The following HIP1R variants were observed in gnomAD, a reference collection of about 807,000 sequenced individuals.
HIP1R encodes huntingtin interacting protein 1 related.
HIP1R carries 135 observed loss-of-function variants against 144.2 expected under a neutral mutation model. The observed-to-expected ratio is 0.94, with a 90% CI of 0.81 to 1.08. The LOEUF (loss-of-function observed/expected upper bound fraction) is 1.08. Among genes scored for constraint, HIP1R ranks in the 50% least tolerant of loss-of-function variants. The probability of loss-of-function intolerance (pLI) is 0.00; values close to 1 mark genes in which losing one functional copy is unlikely to be tolerated. For synonymous variants in HIP1R, 698 were observed against 612.8 expected (o/e 1.14, Z -2.05); for missense variants, 1,462 against 1,432.8 (o/e 1.02, Z -0.33).
chr12:122,856,683 G>T lies in HIP1R; in HGVS notation c.1577G>T (p.Gly526Val). ...AAGAGGGAGCTGGAGGCCAAGGCCG[G>T]AGAGCTGGCCCGCGCGCAGGAGGCC... ...KLKRELEAKA[G>V]ELARAQEALS... Residue 526 changes from glycine (G) to valine (V), a missense_variant, in exon 17 of 32, where the codon GGA (glycine) becomes GTA (valine). Coordinates refer to ENST00000253083, the MANE Select transcript of HIP1R (RefSeq NM_003959.3). The T allele has an allele frequency of 6.3e-7, 1 of 1,599,544 alleles. No homozygotes were observed. The highest frequency in any genetic ancestry group is 8.5e-7 in the Non-Finnish European group (1 of 1,173,604).
chr12:122,859,385 G>T (rs746060445), intron 22 of HIP1R, 41 bp from the exon 23 acceptor site: 5 of 1,565,960 alleles, frequency 3.2e-6, no homozygotes, highest in African/African-American at 1.4e-5. Flanking sequence ...TGGGACGGGG[G>T]GGGACGGAGG....
chr12:122,860,896 C>G lies in HIP1R; in HGVS notation c.2767-20C>G, dbSNP rs758040994. ...CCTGAGCTGGGAGACCTGGGCCCACCCTGACCTCTCGCCCCTCAGGTGAAG... is the reference window on the plus strand; with the variant it reads ...CCTGAGCTGGGAGACCTGGGCCCACGCTGACCTCTCGCCCCTCAGGTGAAG... On this transcript the variant is annotated intron_variant, in intron 28 of 31. Coordinates refer to ENST00000253083, the MANE Select transcript of HIP1R (RefSeq NM_003959.3). 1 of 1,604,832 alleles carries G rather than the reference C, an allele frequency of 6.2e-7. No homozygotes were observed. The highest frequency in any genetic ancestry group is 1.3e-5 in the African/African-American group (1 of 74,728).
At chr12:122,835,150 G>T, upstream of HIP1R, 1 of 573,722 alleles carries the variant, frequency 1.7e-6, no homozygotes, top group Non-Finnish European at 2.7e-6. Context: ...AGGAGCTGGG[G>T]GGGCGTTTGG....
intron 1 of HIP1R, among the ~76,000 whole-genome samples, chr12:122,844,738 G>T (rs1403580169): frequency 6.6e-6 from 1 of 152,188 alleles, no homozygotes; most frequent in Admixed American, 6.5e-5. Flanking sequence ...CTAGCACTGG[G>T]TTTTTCCACC....
chr12:122,846,807 C>T (rs1593866708), intron 1 of HIP1R, among the ~76,000 whole-genome samples: 1 of 152,214 alleles, frequency 6.6e-6, no homozygotes, highest in African/African-American at 2.4e-5. Context: ...TAGCTCCCAT[C>T]TGAGGTCCCA....
intron 1 of HIP1R, among the ~76,000 whole-genome samples, chr12:122,843,260 T>G (rs1395554062): frequency 1.3e-5 from 2 of 152,202 alleles, no homozygotes; most frequent in Non-Finnish European, 2.9e-5. Context: ...AGGGGCTCCA[T>G]CTCCATCTCT....
At chr12:122,856,994 A>C (rs2033602661) in intron 17 of HIP1R, 27 bp from the exon 18 acceptor site, 1 of 1,545,908 alleles carries the variant, frequency 6.5e-7, no homozygotes, top group African/African-American at 1.4e-5. Context: ...CTCTGTTCAC[A>C]TGCCTGGTGT....
intron 5 of HIP1R, 110 bp from the exon 6 acceptor site, chr12:122,850,724 TG>T (rs1346857554): frequency 3.6e-6 from 1 of 278,090 alleles, no homozygotes; most frequent in Non-Finnish European, 6.0e-6. Flanking sequence ...CCGCTGGGTG[TG>T]GGGGGCCCTG....
At position 122,850,146 on chromosome 12, in the gene HIP1R, C is replaced by T. The variant is rs1376137782; in HGVS notation, c.438+191C>T. 4.3e-6 allele frequency: 3 copies of T among 693,158 alleles called. No homozygotes were observed. The African/African-American group carries it at 5.3e-5, about 12-fold the overall frequency. The allele number at this position is 693,158 out of a possible 1,614,324, so 42.9% of individuals were successfully genotyped here. A position where few individuals can be genotyped will look rare whatever the true frequency, so the allele number is the denominator to read the frequency against. ...GCATCACGAAGCTCCTAGAACACTT[C>T]AGGCATTTCCGTGGACGTGGGCACG... On this transcript the variant is annotated intron_variant, in intron 5 of 31. Transcript: ENST00000253083.
At position 122,858,158 on chromosome 12, in the gene HIP1R, G is replaced by T; in HGVS notation, c.1872G>T (p.Leu624Phe). Reference protein sequence around the residue: ...QRLLDEQFAVLRGAAAEAAGI... With the variant: ...QRLLDEQFAVFRGAAAEAAGI... ...TGCTGGACGAGCAGTTCGCAGTGTTGCGGGGCGCTGCTGCCGAGGCCGCGG... is the reference window on the plus strand; with the variant it reads ...TGCTGGACGAGCAGTTCGCAGTGTTTCGGGGCGCTGCTGCCGAGGCCGCGG... Residue 624 changes from leucine (L) to phenylalanine (F), a missense_variant, in exon 19 of 32, where the codon TTG becomes TTT. Physicochemically the swap from Leu to Phe is conservative, Grantham distance 22. Around this residue, in one of 2 missense-constraint regions of HIP1R, gnomAD observed 1,112 missense variants for 1,011.7 expected, o/e 1.10. Transcript: ENST00000253083. The T allele has an allele frequency of 1.2e-6, 2 of 1,606,008 alleles. No individual in the cohort carries two copies. The highest frequency in any genetic ancestry group is 1.7e-6 in the Non-Finnish European group (2 of 1,178,444).
intron 5 of HIP1R, chr12:122,850,162 C>T (rs752896487): frequency 1.9e-5 from 13 of 682,738 alleles, no homozygotes; most frequent in South Asian, 3.0e-5. Context: ...TTTCCGTGGA[C>T]GTGGGCACGG....
intron 22 of HIP1R, 75 bp downstream of exon 22, chr12:122,859,272 G>T: frequency 6.6e-7 from 1 of 1,523,422 alleles, no homozygotes; most frequent in Non-Finnish European, 8.9e-7. Context: ...TGGGTTGGCT[G>T]AACAGGTGTT....
In HIP1R at chr12:122,856,166, A is replaced by T; in HGVS notation, c.1312+3A>T. The T allele has an allele frequency of 2.5e-6, 4 of 1,605,912 alleles. No individual in the cohort carries two copies. Among genetic ancestry groups the T allele is most frequent in the Non-Finnish European group, 3.4e-6 (4 of 1,176,608 alleles). On this transcript the variant is annotated splice_donor_region_variant and intron_variant, in intron 14 of 31. Transcript: ENST00000253083. ...GGGCCTGCGTGAGGAGGCTGAGAGTACGTGGGGCCTTGGCCACAGGGGTCC... is the reference window on the plus strand; with the variant it reads ...GGGCCTGCGTGAGGAGGCTGAGAGTTCGTGGGGCCTTGGCCACAGGGGTCC...
chr12:122,860,163 G>C lies in HIP1R; in HGVS notation c.2512G>C (p.Val838Leu), dbSNP rs149034848. 2.2e-5 allele frequency: 35 copies of C among 1,575,316 alleles called. No homozygotes were observed. The highest frequency in any genetic ancestry group is 2.9e-5 in the Non-Finnish European group (34 of 1,162,526). Reference sequence around the variant, plus strand: ...GTCTCGGCAGGCTATCCGGCTCCTGGTGACGACATCCACTAGCCTGCAGAA... The same window carrying C: ...GTCTCGGCAGGCTATCCGGCTCCTGCTGACGACATCCACTAGCCTGCAGAA... ...TDLMKAIRLL[V>L]TTSTSLQKEI... Residue 838 changes from valine to leucine, a missense_variant, in exon 26 of 32, where the codon GTG becomes CTG. Coordinates refer to ENST00000253083, the MANE Select transcript of HIP1R (RefSeq NM_003959.3).
intron 1 of HIP1R, among the ~76,000 whole-genome samples, chr12:122,838,436 A>G (rs1304469317): frequency 6.6e-6 from 1 of 152,140 alleles, no homozygotes; most frequent in Non-Finnish European, 1.5e-5. Context: ...GAACCTGAAC[A>G]CTGCCTGTAC....
Position 122,856,079 on chromosome 12 carries a change from G to T in HIP1R, c.1228G>T (p.Glu410Ter). The T allele has an allele frequency of 6.3e-7, 1 of 1,587,264 alleles. No homozygotes were observed. The highest frequency in any genetic ancestry group is 8.6e-7 in the Non-Finnish European group (1 of 1,167,182). The change falls in exon 14 of 32, where the codon GAG (glutamate) becomes TAG (stop). Residue 410 changes from glutamate (E) to a stop codon, truncating the protein, a stop_gained. Transcript: ENST00000253083. LOFTEE classifies it high-confidence loss of function. ...KQKQKALVDN[E>*]QLRHELAQLR... ...GAAGCAGAAGGCCCTGGTGGATAAT[G>T]AGCAGCTCCGCCACGAGCTGGCCCA...
chr12:122,852,472 G>A (rs2033427355), intron 7 of HIP1R, among the ~76,000 whole-genome samples: 1 of 152,236 alleles, frequency 6.6e-6, no homozygotes, highest in South Asian at 2.1e-4. Flanking sequence ...CATGGGAGAA[G>A]GCCAGTGTGG....
At chr12:122,838,377 G>A (rs1406119173) in intron 1 of HIP1R, among the ~76,000 whole-genome samples, 1 of 151,900 alleles carries the variant, frequency 6.6e-6, no homozygotes, top group Non-Finnish European at 1.5e-5. Context: ...TTGTCTTGTT[G>A]CTGTTTTCTG....
intron 23 of HIP1R, 39 bp from the exon 24 acceptor site, chr12:122,859,733 C>T (rs1267935609): frequency 9.3e-6 from 15 of 1,605,504 alleles, no homozygotes; most frequent in African/African-American, 2.7e-5. Flanking sequence ...CCACGGTCCC[C>T]TCCTCCCAGC....
Sources: gnomAD v4.1 joint callset for allele counts (sites outside exome capture counted in the v4.1 genomes callset) on GRCh38, gnomAD v4.1.1 for gene constraint, gnomAD v4.1.1 regional missense constraint, MANE v1.5 for transcripts, NCBI Gene and HGNC (gene_info 2026-07-23, HGNC 2026-07-21) for gene names.